Variants in TEC observed in about 807,000 individuals in gnomAD.
TEC encodes the protein tyrosine-protein kinase Tec.
A neutral mutation model predicts 93.0 loss-of-function variants in TEC; 72 were observed. The ratio of observed to expected loss-of-function variants is 0.77; its 90% CI spans 0.64 to 0.94. The LOEUF (loss-of-function observed/expected upper bound fraction) is 0.94, where lower values mean the gene tolerates loss of function less well. Ranked by LOEUF, TEC falls within the 40% of genes least tolerant of loss-of-function variation. The pLI is 0.00. For synonymous variants in TEC, 249 were observed against 247.7 expected (o/e 1.01, Z -0.05); for missense variants, 630 against 757.9 (o/e 0.83, Z 1.98).
At chr4:48,194,996 G>C (rs540670335) in intron 2 of TEC, among the ~76,000 whole-genome samples, 1 of 152,306 alleles carries the variant, frequency 6.6e-6, no homozygotes, top group East Asian at 1.9e-4. Flanking sequence ...TTCTTCCACT[G>C]ACTGAGTGCT....
At chr4:48,154,218 G>C (rs1720301942) in intron 9 of TEC, among the ~76,000 whole-genome samples, 2 of 152,082 alleles carry the variant, frequency 1.3e-5, no homozygotes, top group Admixed American at 6.6e-5. Context: ...GAAAACTTTT[G>C]GTAAATGAAA....
chr4:48,167,651 G>A (rs1720922852), intron 7 of TEC, 127 bp downstream of exon 7: 2 of 811,224 alleles, frequency 2.5e-6, no homozygotes, highest in African/African-American at 3.4e-5. Context: ...CAAGTAATAA[G>A]GTGTGCTTCC....
intron 1 of TEC, among the ~76,000 whole-genome samples, chr4:48,240,939 T>C (rs759280234): frequency 3.3e-5 from 5 of 151,802 alleles, no homozygotes; most frequent in Non-Finnish European, 7.4e-5. Flanking sequence ...AGCCATTACA[T>C]ACCTGATCCC....
intron 1 of TEC, among the ~76,000 whole-genome samples, chr4:48,243,543 TCAA>T (rs1723974496): frequency 6.6e-6 from 1 of 152,194 alleles, no homozygotes; most frequent in Admixed American, 6.5e-5. Flanking sequence ...ATTTACACAC[TCAA>T]CAACTGCTAA....
At chr4:48,153,562 T>C (rs544599882) in intron 9 of TEC, 6 of 152,356 alleles carry the variant, frequency 3.9e-5, no homozygotes, top group East Asian at 3.9e-4. Context: ...TGTTCCATTA[T>C]TGGAACACTA....
At chr4:48,216,647 C>A (rs565603058) in intron 2 of TEC, among the ~76,000 whole-genome samples, 1 of 152,256 alleles carries the variant, frequency 6.6e-6, no homozygotes, top group South Asian at 2.1e-4. Flanking sequence ...TTCTAGGAAT[C>A]ATTCTTTTTG....
At chr4:48,213,754 A>C (rs1282839212) in intron 2 of TEC, among the ~76,000 whole-genome samples, 1 of 152,176 alleles carries the variant, frequency 6.6e-6, no homozygotes, top group Non-Finnish European at 1.5e-5. Context: ...GGGAGAGATT[A>C]ATACTAATAA....
At chr4:48,197,108 G>A (rs1353194930) in intron 2 of TEC, among the ~76,000 whole-genome samples, 5 of 152,176 alleles carry the variant, frequency 3.3e-5, no homozygotes, top group East Asian at 1.9e-4. Context: ...CTGTCTTGAC[G>A]GCTAAGTCAT....
intron 1 of TEC, among the ~76,000 whole-genome samples, chr4:48,249,754 G>A (rs1475406132): frequency 6.6e-6 from 1 of 152,232 alleles, no homozygotes; most frequent in African/African-American, 2.4e-5. Flanking sequence ...GACCCTGGCA[G>A]GTGTCCTTTC....
At chr4:48,173,241 G>T (rs954317423) in intron 3 of TEC, among the ~76,000 whole-genome samples, 1 of 152,002 alleles carries the variant, frequency 6.6e-6, no homozygotes, top group Non-Finnish European at 1.5e-5. Context: ...CTCATCTCGT[G>T]TCAGTACCGT....
chr4:48,201,979 CAG>C (rs1189479442), intron 2 of TEC, among the ~76,000 whole-genome samples: 1 of 106,622 alleles, frequency 9.4e-6, no homozygotes. Context: ...TTTTTTGAGA[CAG>C]AGTCTCGCTC....
Position 48,150,870 on chromosome 4 carries a change from A to G in TEC, c.865T>C (p.Phe289Leu). The G allele has an allele frequency of 6.5e-7, 1 of 1,531,842 alleles. No individual in the cohort carries two copies. Among genetic ancestry groups the G allele is most frequent in the Non-Finnish European group, 8.8e-7 (1 of 1,141,656 alleles). 94.9% of individuals were successfully genotyped at this position (1,531,842 alleles called of 1,614,324 possible). The change falls in exon 10 of 18, where the codon TTT (phenylalanine) becomes CTT (leucine). Residue 289 changes from phenylalanine (F) to leucine (L), a missense_variant. Coordinates refer to ENST00000381501, the MANE Select transcript of TEC (RefSeq NM_003215.3). ...GLYTVSLYTK[F>L]GGEGSSGFRH... is the part of the protein sequence containing the mutation. ...AATGGCAGGATTACTCACCCTCCAA[A>G]CTTGGTATAAAGGGAGACTGTGTAC... is the stretch of plus-strand genomic sequence containing the variant.
chr4:48,210,048 TA>T (rs1382345010), intron 2 of TEC, among the ~76,000 whole-genome samples: 3 of 152,136 alleles, frequency 2.0e-5, no homozygotes, highest in Non-Finnish European at 4.4e-5. Context: ...AATTAAAAAT[TA>T]AAAATAAAAC....
chr4:48,175,916 A>T (rs1721306469), intron 3 of TEC, among the ~76,000 whole-genome samples, 166 bp downstream of exon 3: 1 of 152,184 alleles, frequency 6.6e-6, no homozygotes, highest in Admixed American at 6.5e-5. Context: ...AGAATCAGAA[A>T]ATGTTTCCAC....
intron 2 of TEC, among the ~76,000 whole-genome samples, chr4:48,185,340 T>A (rs775901915): frequency 1.4e-4 from 21 of 152,220 alleles, no homozygotes; most frequent in Non-Finnish European, 5.9e-5. Context: ...ACACATTAAT[T>A]AAGAGAAACG....
chr4:48,252,344 T>C (rs895802213), intron 1 of TEC, among the ~76,000 whole-genome samples: 1 of 152,262 alleles, frequency 6.6e-6, no homozygotes, highest in Non-Finnish European at 1.5e-5. Flanking sequence ...GTTGATTAAA[T>C]TGGCAAAGGC....
At chr4:48,200,315 T>C (rs1722459764) in intron 2 of TEC, among the ~76,000 whole-genome samples, 1 of 152,152 alleles carries the variant, frequency 6.6e-6, no homozygotes, top group East Asian at 1.9e-4. Context: ...CAGATCAATG[T>C]GGACAGGCTG....
intron 2 of TEC, among the ~76,000 whole-genome samples, chr4:48,224,635 TTAAC>T: frequency 6.6e-6 from 1 of 152,164 alleles, no homozygotes; most frequent in Non-Finnish European, 1.5e-5. Context: ...TACACATGAA[TTAAC>T]TAACTACCAT....
intron 3 of TEC, among the ~76,000 whole-genome samples, chr4:48,173,574 G>A (rs1434660883): frequency 6.6e-6 from 1 of 152,174 alleles, no homozygotes; most frequent in East Asian, 1.9e-4. Context: ...CCACAGCAGA[G>A]GCTGTTGGGA....
Sources: allele counts gnomAD v4.1 joint callset (sites outside exome capture counted in the v4.1 genomes callset), GRCh38; gene constraint gnomAD v4.1.1; transcripts MANE v1.5; gene names NCBI Gene and HGNC (gene_info 2026-07-23, HGNC 2026-07-21).